Variants in AKAP13 observed in about 807,000 individuals in gnomAD.
AKAP13 encodes A-kinase anchor protein 13.
A neutral mutation model predicts 264.5 loss-of-function variants in AKAP13; 80 were observed. That is an observed-to-expected ratio of 0.30 (90% CI 0.25 to 0.36). AKAP13 has a LOEUF of 0.36. AKAP13 is among the 10% of genes least tolerant of loss of function. AKAP13 has a pLI of 1.00. For synonymous variants in AKAP13, 1,380 were observed against 1,250.2 expected, an observed-to-expected ratio of 1.10 and a Z score of -2.19; for missense variants, 3,712 against 3,435.2, an observed-to-expected ratio of 1.08 and a Z score of -2.01.
At chr15:85,415,564 A>G in intron 1 of AKAP13, 1 of 1,436,652 alleles carries the variant, frequency 7.0e-7, no homozygotes, top group Non-Finnish European at 9.7e-7. Context: ...AAATTGAAAG[A>G]TGGGAAATTA....
intron 5 of AKAP13, among the ~76,000 whole-genome samples, chr15:85,561,403 G>T (rs980446672): frequency 6.6e-6 from 1 of 152,192 alleles, no homozygotes; most frequent in Non-Finnish European, 1.5e-5. Flanking sequence ...ATTTCAAAGT[G>T]CAGCTAAGGT....
rs181135474 is a variant in AKAP13, at chr15:85,584,371, G to A, written c.4040-1331G>A. Among the ~76,000 whole-genome samples, 1,399 of 152,224 alleles carry A rather than the reference G, an allele frequency of 9.2e-3. 3 individuals are homozygous for A. Among genetic ancestry groups the A allele is most frequent in the Non-Finnish European group, 0.015 (1,010 of 68,002 alleles). On this transcript the variant is annotated intron_variant, in intron 7 of 36. Transcript: ENST00000394518. ...CTAGTGTGACTGGTTGCTGTGCCAA[G>A]ATGCATCTTTTCAAAGTTGATAGGT...
Position 85,727,105 on chromosome 15 carries a change from G to A in AKAP13, c.6862G>A (p.Val2288Met), listed in dbSNP as rs1223067591. The change falls in exon 28 of 37, where the codon GTG becomes ATG. Residue 2288 changes from valine (V) to methionine (M), a missense_variant. Transcript: ENST00000394518. The surrounding 1 kb of genome is among the most constrained non-coding windows in gnomAD (Gnocchi z 5.3). ...STVISLKKLI[V>M]REVAHEEKGL... ...AGTGATCTCTTTAAAGAAGCTGATT[G>A]TGAGAGAAGTGGCACATGAGGAGAA... 1.2e-6 allele frequency: 2 copies of A among 1,614,076 alleles called. No individual in the cohort carries two copies. Among genetic ancestry groups the A allele is most frequent in the Non-Finnish European group, 1.7e-6 (2 of 1,180,030 alleles).
In AKAP13 at chr15:85,725,396, G is replaced by A. The variant is rs138643135; in HGVS notation, c.6746-1014G>A. On this transcript the variant is annotated intron_variant, in intron 26 of 36. Coordinates refer to ENST00000394518, the MANE Select transcript of AKAP13 (RefSeq NM_007200.5). The stretch of plus-strand genomic sequence containing the variant: ...TCTGCTTTTTTGGGGGGAGGGGGAG[G>A]GTGCAGGCACCTGAATTATTTAAAA... Among the ~76,000 whole-genome samples the A allele has an allele frequency of 8.1e-3, 1,228 of 151,674 alleles. 18 individuals carry two copies. The highest frequency in any genetic ancestry group is 0.028 in the African/African-American group (1,137 of 41,296).
intron 3 of AKAP13, among the ~76,000 whole-genome samples, chr15:85,530,362 A>G (rs2077208348): frequency 2.0e-5 from 3 of 152,092 alleles, no homozygotes; most frequent in African/African-American, 7.2e-5. Flanking sequence ...AATGGTGTTT[A>G]CTTTTAGTGG....
intron 10 of AKAP13, among the ~76,000 whole-genome samples, chr15:85,647,796 C>CGGGCACCT: frequency 6.6e-6 from 1 of 152,146 alleles, no homozygotes; most frequent in East Asian, 1.9e-4. Context: ...ATAGTGGTGG[C>CGGGCACCT]GGGCACCTGT....
intron 1 of AKAP13, among the ~76,000 whole-genome samples, chr15:85,473,887 TCA>T (rs1292467783): frequency 6.6e-6 from 1 of 152,220 alleles, no homozygotes; most frequent in African/African-American, 2.4e-5. Context: ...ACTTCATCTT[TCA>T]CTGACACTAA....
chr15:85,578,801 C>G (rs981009338), intron 6 of AKAP13, 129 bp from the exon 7 acceptor site: 2 of 793,720 alleles, frequency 2.5e-6, no homozygotes, highest in Non-Finnish European at 4.0e-6. Context: ...CTTTTAGATT[C>G]GCTTATCATG....
intron 1 of AKAP13, among the ~76,000 whole-genome samples, chr15:85,443,676 G>A (rs1238525924): frequency 6.6e-6 from 1 of 151,860 alleles, no homozygotes; most frequent in African/African-American, 2.4e-5. Flanking sequence ...TCTTATATGC[G>A]GTTCGTGGTT....
chr15:85,551,506 TC>T (rs1489396849), intron 5 of AKAP13, among the ~76,000 whole-genome samples: 1 of 152,184 alleles, frequency 6.6e-6, no homozygotes. Flanking sequence ...TTTTACAAAC[TC>T]CCTTGGGCTT....
In AKAP13 at chr15:85,582,076, T is replaced by G; in HGVS notation, c.4008T>G (p.Ile1336Met). 1 of 1,611,428 alleles carries G rather than the reference T, an allele frequency of 6.2e-7. No homozygotes were observed. Among genetic ancestry groups the G allele is most frequent in the Non-Finnish European group, 8.5e-7 (1 of 1,178,850 alleles). ...FAGREEPEKI[I>M]LPVQGPEPAA... ...GAAGGGAGGAGCCAGAGAAGATCAT[T>G]TTACCTGTCCAGGGGCCTGAGCCAG... The change falls in exon 7 of 37, where the codon ATT becomes ATG. Residue 1336 changes from isoleucine (I) to methionine (M), a missense_variant. Physicochemically the swap from Ile to Met is conservative, Grantham distance 10 (BLOSUM62 1). Around this residue, in one of 3 missense-constraint regions of AKAP13, gnomAD observed 2,759 missense variants for 2,411.7 expected, o/e 1.14. Coordinates refer to ENST00000394518, the MANE Select transcript of AKAP13 (RefSeq NM_007200.5).
chr15:85,723,808 C>G (rs1597180840), intron 26 of AKAP13, among the ~76,000 whole-genome samples: 1 of 152,134 alleles, frequency 6.6e-6, no homozygotes, highest in East Asian at 1.9e-4. Context: ...TTAAGTTTAA[C>G]CCACATCAAT....
intron 1 of AKAP13, among the ~76,000 whole-genome samples, chr15:85,417,624 G>A (rs2072303212): frequency 6.6e-6 from 1 of 152,198 alleles, no homozygotes; most frequent in South Asian, 2.1e-4. Flanking sequence ...TTATTTGAGA[G>A]CAAAGTTTGA....
At position 85,580,306 on chromosome 15, in the gene AKAP13, G is replaced by A. The variant is rs778183572; in HGVS notation, c.2238G>A (p.Val746=). ...VVDNKGQRKD[V]KLDKPLTNML... is the part of the protein sequence containing the mutation. ...ATAACAAAGGCCAACGAAAAGATGT[G>A]AAACTAGATAAACCTTTAACAAATA... The change falls in exon 7 of 37, where the codon GTG becomes GTA. Residue 746 remains valine (V), a synonymous_variant. Coordinates refer to ENST00000394518, the MANE Select transcript of AKAP13 (RefSeq NM_007200.5). The A allele has an allele frequency of 3.1e-6, 5 of 1,614,186 alleles. No individual in the cohort carries two copies. The East Asian group carries it at 6.7e-5, about 22-fold the overall frequency.
intron 10 of AKAP13, 139 bp downstream of exon 10, chr15:85,646,093 G>C (rs2151490812): frequency 1.8e-6 from 2 of 1,120,994 alleles, no homozygotes; most frequent in Non-Finnish European, 2.5e-6. Flanking sequence ...AGTAAGTTGT[G>C]ATCCAGCTAG....
chr15:85,404,962 A>G (rs1252140421), intron 1 of AKAP13, among the ~76,000 whole-genome samples: 1 of 151,954 alleles, frequency 6.6e-6, no homozygotes, highest in African/African-American at 2.4e-5. Context: ...CTTATGTAGC[A>G]GTGGTTGTGT....
At chr15:85,616,028 T>TTGG (rs1473801460) in intron 8 of AKAP13, among the ~76,000 whole-genome samples, 1 of 152,188 alleles carries the variant, frequency 6.6e-6, no homozygotes, top group Non-Finnish European at 1.5e-5. Flanking sequence ...AAATTGATCA[T>TTGG]TGATGAGTCA....
At position 85,729,766 on chromosome 15, in the gene AKAP13, A is replaced by G. The variant is rs142795192; in HGVS notation, c.7088-747A>G. Among the ~76,000 whole-genome samples the G allele has an allele frequency of 1.1e-4, 16 of 152,062 alleles. No homozygotes were observed. In the East Asian group the frequency reaches 2.9e-3, roughly 28 times the overall value. Reference sequence around the variant, plus strand: ...AGCCTGGCCAACATGGTGAAACACCATCTCTACTAAAAATACAAAATTAGC... The same window carrying G: ...AGCCTGGCCAACATGGTGAAACACCGTCTCTACTAAAAATACAAAATTAGC... On this transcript the variant is annotated intron_variant, in intron 29 of 36. Transcript: ENST00000394518.
intron 1 of AKAP13, among the ~76,000 whole-genome samples, chr15:85,436,854 A>G (rs924059575): frequency 6.6e-6 from 1 of 152,140 alleles, no homozygotes; most frequent in Non-Finnish European, 1.5e-5. Flanking sequence ...AAATGCCCAC[A>G]AGAGAAAGCA....
Sources: allele counts gnomAD v4.1 joint callset (sites outside exome capture counted in the v4.1 genomes callset), GRCh38; gene constraint gnomAD v4.1.1; regional missense constraint gnomAD v4.1.1; non-coding constraint Gnocchi (gnomAD v3.1); transcripts MANE v1.5; gene names NCBI Gene and HGNC (gene_info 2026-07-23, HGNC 2026-07-21).